Variants in KATNA1 observed in about 807,000 individuals in gnomAD.
The protein encoded by KATNA1 is katanin p60 ATPase-containing subunit A1.
KATNA1 carries 42 observed loss-of-function variants against 62.6 expected under a neutral mutation model. The observed-to-expected ratio is 0.67, with a 90% CI of 0.52 to 0.87. KATNA1 has a LOEUF of 0.87. Ranked by LOEUF, KATNA1 falls within the 40% of genes least tolerant of loss-of-function variation. The pLI, the probability that KATNA1 is intolerant of heterozygous loss-of-function variation, is 0.00. For missense variants in KATNA1, 498 were observed against 612.5 expected (o/e 0.81, Z 1.97); for synonymous variants, 186 against 201.9 (o/e 0.92, Z 0.67).
chr6:149,611,765 C>T (rs1000468814), intron 4 of KATNA1, among the ~76,000 whole-genome samples: 5 of 151,996 alleles, frequency 3.3e-5, no homozygotes, highest in Admixed American at 3.3e-4. Flanking sequence ...TTTGGGAGGT[C>T]AAGGTGGGTG....
intron 3 of KATNA1, among the ~76,000 whole-genome samples, chr6:149,628,308 A>C: frequency 7.3e-6 from 1 of 136,984 alleles, no homozygotes. Flanking sequence ...ACGGGGTTTC[A>C]CTGTGTTAGG....
At chr6:149,596,536 A>G in intron 10 of KATNA1, among the ~76,000 whole-genome samples, 1 of 152,166 alleles carries the variant, frequency 6.6e-6, no homozygotes, top group East Asian at 1.9e-4. Flanking sequence ...CTCCGTCTCA[A>G]AAAACAAAAC....
chr6:149,598,047 CA>C lies in KATNA1; in HGVS notation c.1015+176del, dbSNP rs1227087229. The C allele has an allele frequency of 4.8e-6, 3 of 625,566 alleles. No individual in the cohort carries two copies. The African/African-American group carries it at 5.6e-5, about 12-fold the overall frequency. 38.8% of individuals were successfully genotyped at this position (625,566 alleles called of 1,614,324 possible). Reference sequence around the variant, plus strand: ...TGACTTGTCACCACTGTCAGTGTACCAAATCTATTACTATCACTATCAGGAA... The same window carrying C: ...TGACTTGTCACCACTGTCAGTGTACCAATCTATTACTATCACTATCAGGAA... On this transcript the variant is annotated intron_variant, in intron 8 of 10. Coordinates refer to ENST00000367411, the MANE Select transcript of KATNA1 (RefSeq NM_007044.4).
At chr6:149,637,374 T>A (rs148245456) in intron 2 of KATNA1, among the ~76,000 whole-genome samples, 39 of 152,236 alleles carry the variant, frequency 2.6e-4, no homozygotes, top group African/African-American at 8.9e-4. Flanking sequence ...CTGCACTCCC[T>A]CCTGGGCAAG....
intron 10 of KATNA1, among the ~76,000 whole-genome samples, chr6:149,595,839 G>T (rs961223919): frequency 1.3e-5 from 2 of 152,122 alleles, no homozygotes; most frequent in Non-Finnish European, 2.9e-5. Flanking sequence ...GGAAACGAGC[G>T]CAGTCAAGCC....
At chr6:149,636,799 C>A (rs1780080920) in intron 2 of KATNA1, among the ~76,000 whole-genome samples, 2 of 151,924 alleles carry the variant, frequency 1.3e-5, no homozygotes, top group African/African-American at 4.8e-5. Context: ...CGCCACTATA[C>A]CCAGCTAATT....
At chr6:149,616,036 G>A (rs950404930) in intron 4 of KATNA1, among the ~76,000 whole-genome samples, 5 of 152,174 alleles carry the variant, frequency 3.3e-5, no homozygotes, top group African/African-American at 4.8e-5. Context: ...GAGAGAGGAG[G>A]TAGAATGGTG....
intron 3 of KATNA1, among the ~76,000 whole-genome samples, chr6:149,626,291 A>ATTTTTTTTTTTT (rs1779603710): frequency 1.3e-5 from 1 of 74,368 alleles, no homozygotes; most frequent in Admixed American, 1.7e-4. Flanking sequence ...TATAACATTT[A>ATTTTTTTTTTTT]CTTTTTTTTT....
At chr6:149,611,490 A>G (rs1184355704) in intron 4 of KATNA1, among the ~76,000 whole-genome samples, 2 of 151,102 alleles carry the variant, frequency 1.3e-5, no homozygotes, top group Non-Finnish European at 2.9e-5. Context: ...GAAAAAAGAA[A>G]AAAGAAAAAA....
chr6:149,598,446 T>C, intron 7 of KATNA1, 96 bp from the exon 8 acceptor site: 2 of 1,219,522 alleles, frequency 1.6e-6, no homozygotes, highest in Non-Finnish European at 1.2e-6. Context: ...TGAGGGAGGC[T>C]GGGCACAGTG....
chr6:149,638,584 A>G (rs766118828), intron 1 of KATNA1, 24 bp from the exon 2 acceptor site: 1 of 1,526,818 alleles, frequency 6.5e-7, no homozygotes, highest in Admixed American at 1.9e-5. Context: ...GAAAAAAAGA[A>G]ACACTTTAGG....
At chr6:149,634,030 T>C (rs1779961308) in intron 2 of KATNA1, among the ~76,000 whole-genome samples, 1 of 151,788 alleles carries the variant, frequency 6.6e-6, no homozygotes, top group Admixed American at 6.6e-5. Flanking sequence ...CTCAACACTT[T>C]GGGAGGCCAA....
intron 7 of KATNA1, among the ~76,000 whole-genome samples, chr6:149,599,771 A>G (rs1454139756): frequency 6.6e-5 from 10 of 151,544 alleles, no homozygotes; most frequent in East Asian, 3.9e-4. Context: ...GCCCGCCTCA[A>G]CCTCCCAAAG....
intron 4 of KATNA1, among the ~76,000 whole-genome samples, chr6:149,622,311 G>A (rs1779431648): frequency 6.6e-6 from 1 of 151,850 alleles, no homozygotes; most frequent in Non-Finnish European, 1.5e-5. Context: ...AGTAGAGATG[G>A]GGTTTCACTG....
At chr6:149,597,242 A>T in intron 9 of KATNA1, 53 bp from the exon 10 acceptor site, 1 of 1,559,132 alleles carries the variant, frequency 6.4e-7, no homozygotes, top group Non-Finnish European at 8.7e-7. Flanking sequence ...AACATAGTAT[A>T]CTATTGTCTC....
intron 4 of KATNA1, among the ~76,000 whole-genome samples, chr6:149,609,010 T>A (rs1029414806): frequency 6.6e-6 from 1 of 152,180 alleles, no homozygotes; most frequent in Non-Finnish European, 1.5e-5. Context: ...AACAGAAAAT[T>A]CCTCATACCA....
intron 3 of KATNA1, among the ~76,000 whole-genome samples, chr6:149,625,931 C>A (rs912325577): frequency 3.9e-4 from 44 of 112,686 alleles, no homozygotes; most frequent in African/African-American, 1.6e-3. Context: ...GAGACTCCAT[C>A]TCAAAAAAAA....
intron 2 of KATNA1, among the ~76,000 whole-genome samples, chr6:149,634,011 A>ACCTGTAATCTCAC (rs58378385): frequency 1.3e-5 from 2 of 152,048 alleles, no homozygotes; most frequent in East Asian, 3.9e-4. Flanking sequence ...GGTGGCTCAC[A>ACCTGTAATCTCAC]CCTGTAATCT....
In KATNA1 at chr6:149,595,084, T is replaced by C; in HGVS notation, c.1428A>G (p.Ala476=). 1 of 1,614,166 alleles carries C rather than the reference T, an allele frequency of 6.2e-7. No individual in the cohort carries two copies. The highest frequency in any genetic ancestry group is 8.5e-7 in the Non-Finnish European group (1 of 1,179,998). ...LKKVSKSVSA[A]DIERYEKWIF... ...TCCATTTCTCGTATCTTTCAATGTCTGCAGCAGACACTGACTTAGAAACCT... is the reference window on the plus strand; with the variant it reads ...TCCATTTCTCGTATCTTTCAATGTCCGCAGCAGACACTGACTTAGAAACCT... The change falls in exon 11 of 11, where the codon GCA becomes GCG. Residue 476 remains alanine, a synonymous_variant. Coordinates refer to ENST00000367411, the MANE Select transcript of KATNA1 (RefSeq NM_007044.4).
Sources: allele counts gnomAD v4.1 joint callset (sites outside exome capture counted in the v4.1 genomes callset), GRCh38; gene constraint gnomAD v4.1.1; transcripts MANE v1.5; gene names NCBI Gene and HGNC (gene_info 2026-07-23, HGNC 2026-07-21).